TSEN2: variants seen among roughly 807,000 people sequenced by gnomAD.
TSEN2 encodes the protein tRNA splicing endonuclease subunit 2.
Under a neutral mutation model 59.2 loss-of-function variants are expected in TSEN2, and 54 were observed. That is an observed-to-expected ratio of 0.91 (90% CI 0.73 to 1.14). The LOEUF is 1.14. Among genes scored for constraint, TSEN2 ranks in the 50% most tolerant of loss-of-function variants. The pLI is 0.00. For synonymous variants in TSEN2, 195 were observed against 198.2 expected, an observed-to-expected ratio of 0.98 and a Z score of 0.14; for missense variants, 636 against 576.2, an observed-to-expected ratio of 1.10 and a Z score of -1.06.
intron 8 of TSEN2, among the ~76,000 whole-genome samples, chr3:12,526,989 G>A (rs769168435): frequency 6.6e-5 from 10 of 152,212 alleles, no homozygotes; most frequent in Non-Finnish European, 1.3e-4. Context: ...TTTTGGAAAC[G>A]GAGGCTCAGG....
At chr3:12,512,211 G>A (rs145982248) in intron 6 of TSEN2, among the ~76,000 whole-genome samples, 3 of 152,330 alleles carry the variant, frequency 2.0e-5, no homozygotes, top group African/African-American at 7.2e-5. Context: ...GTGGAGTGAA[G>A]ACATAGCTTT....
intron 4 of TSEN2, among the ~76,000 whole-genome samples, chr3:12,497,622 C>T (rs1239274118): frequency 6.6e-6 from 1 of 152,212 alleles, no homozygotes; most frequent in East Asian, 1.9e-4. Flanking sequence ...AGCAGCAGCT[C>T]GCCCATCAGA....
chr3:12,518,124 C>T (rs930598645), intron 7 of TSEN2, among the ~76,000 whole-genome samples: 7 of 152,106 alleles, frequency 4.6e-5, no homozygotes, highest in Admixed American at 2.0e-4. Flanking sequence ...GGTAATGATA[C>T]ATCAGAATAT....
At chr3:12,508,503 G>A (rs2055077064) in intron 6 of TSEN2, among the ~76,000 whole-genome samples, 1 of 152,152 alleles carries the variant, frequency 6.6e-6, no homozygotes, top group Admixed American at 6.5e-5. Flanking sequence ...AGGAACACAG[G>A]CAGAATGGGG....
chr3:12,538,784 T>C (rs1552485), intron 10 of TSEN2: 97,991 of 161,056 alleles, frequency 0.61, 32,860 homozygotes, highest in African/African-American at 0.9. Flanking sequence ...TGTTAAAAAT[T>C]ACCTCATTTC....
intron 3 of TSEN2, among the ~76,000 whole-genome samples, chr3:12,495,126 CAAA>C (rs1160986136): frequency 5.8e-5 from 4 of 68,710 alleles, no homozygotes; most frequent in South Asian, 6.3e-4. Context: ...ACTCCGTCTC[CAAA>C]AAAAAAAAAA....
rs143530794 is a variant in TSEN2, at chr3:12,521,739, C to T, written c.1099+2542C>T. Among the ~76,000 whole-genome samples, 731 of 151,880 alleles carry T rather than the reference C, an allele frequency of 4.8e-3. 5 individuals are homozygous for T. Among genetic ancestry groups the T allele is most frequent in the African/African-American group, 0.016 (679 of 41,438 alleles). ...AAAAAAAATAAAAATAGGCTGGGCG[C>T]GGTGGCTCACGCCTGTAATCCCAAC... is the stretch of plus-strand genomic sequence containing the variant. On this transcript the variant is annotated intron_variant, in intron 8 of 11. Transcript: ENST00000284995.
chr3:12,529,986 C>T, intron 10 of TSEN2, 113 bp downstream of exon 10: 1 of 1,509,436 alleles, frequency 6.6e-7, no homozygotes. Flanking sequence ...CATAACATTC[C>T]TGCCAGTGAC....
intron 4 of TSEN2, among the ~76,000 whole-genome samples, chr3:12,502,316 C>T (rs1024264702): frequency 4.6e-5 from 7 of 152,212 alleles, no homozygotes; most frequent in Admixed American, 3.3e-4. Flanking sequence ...GAGGCCAAGG[C>T]GGTCGGATCT....
chr3:12,490,759 T>C (rs2053136580), intron 2 of TSEN2, among the ~76,000 whole-genome samples: 1 of 152,094 alleles, frequency 6.6e-6, no homozygotes. Flanking sequence ...TAATCCCTGC[T>C]CCCACTCCCG....
At chr3:12,522,523 TC>T (rs747652399) in intron 8 of TSEN2, among the ~76,000 whole-genome samples, 8 of 152,200 alleles carry the variant, frequency 5.3e-5, no homozygotes, top group Non-Finnish European at 1.2e-4. Flanking sequence ...AGGAGCGGCT[TC>T]CTAAACTCTA....
rs760813133 is a variant in TSEN2 at position 12,503,653 on chromosome 3, C to T, written c.700C>T (p.Leu234Phe). ...AGATGCTCTCATCCTCCAGCGTGGCCTTCATCATGAAGACGGCAGCCAGCA... is the reference window on the plus strand; with the variant it reads ...AGATGCTCTCATCCTCCAGCGTGGCTTTCATCATGAAGACGGCAGCCAGCA... ...KQDALILQRG[L>F]HHEDGSQHIG... The change falls in exon 5 of 12, where the codon CTT (leucine) becomes TTT (phenylalanine). Residue 234 changes from leucine (L) to phenylalanine (F), a missense_variant. Leu to Phe is a conservative substitution (Grantham distance 22). Transcript: ENST00000284995. The T allele has an allele frequency of 1.3e-5, 21 of 1,604,414 alleles. No homozygotes were observed. Among genetic ancestry groups the T allele is most frequent in the Admixed American group, 1.7e-5 (1 of 59,054 alleles).
rs778022833 is a variant in TSEN2, at chr3:12,532,721, A to G, written c.1398A>G (p.Ter466=). The part of the protein sequence containing the change: ...SRERSDQDDL[*] ...AGAGGAGTGACCAAGACGATCTTTAACAATTCAACCTCAAATTTCTAATTT... is the reference window on the plus strand; with the variant it reads ...AGAGGAGTGACCAAGACGATCTTTAGCAATTCAACCTCAAATTTCTAATTT... The change falls in exon 12 of 12, where the codon TAA becomes TAG. Residue 466 remains the stop codon, a stop_retained_variant. Coordinates refer to ENST00000284995, the MANE Select transcript of TSEN2 (RefSeq NM_025265.4). 1 of 1,614,164 alleles carries G rather than the reference A, an allele frequency of 6.2e-7. No individual in the cohort carries two copies. Among genetic ancestry groups the G allele is most frequent in the Non-Finnish European group, 8.5e-7 (1 of 1,179,992 alleles).
intron 8 of TSEN2, among the ~76,000 whole-genome samples, chr3:12,522,006 CAAAAAATAATAAT>C (rs535006030): frequency 2.5e-4 from 38 of 150,946 alleles, no homozygotes; most frequent in African/African-American, 8.5e-4. Flanking sequence ...GAGACTGTCT[CAAAAAATAATAAT>C]AAAAAATAAA....
Position 12,529,949 on chromosome 3 carries a change from A to T in TSEN2, c.1248+76A>T, listed in dbSNP as rs780093653. 30 of 1,566,654 alleles carry T rather than the reference A, an allele frequency of 1.9e-5. No individual in the cohort carries two copies. The South Asian group carries it at 3.3e-4, about 17-fold the overall frequency. Reference sequence around the variant, plus strand: ...TTTTTTTTTTTCTTAAATGTAGTAGAATCAAAAAAGTTAGTTGTAGAAACT... The same window carrying T: ...TTTTTTTTTTTCTTAAATGTAGTAGTATCAAAAAAGTTAGTTGTAGAAACT... On this transcript the variant is annotated intron_variant, in intron 10 of 11. Coordinates refer to ENST00000284995, the MANE Select transcript of TSEN2 (RefSeq NM_025265.4).
chr3:12,480,256 G>C (rs1303792580), upstream of TSEN2, among the ~76,000 whole-genome samples: 1 of 152,110 alleles, frequency 6.6e-6, no homozygotes, highest in Non-Finnish European at 1.5e-5. Context: ...CCCCGGCCAG[G>C]CCCAGCTCCT....
rs1199348166 is a variant in TSEN2, at chr3:12,496,524, A to G, written c.278A>G (p.Lys93Arg). 6.2e-7 allele frequency: 1 copy of G among 1,614,168 alleles called. No individual in the cohort carries two copies. The highest frequency in any genetic ancestry group is 8.5e-7 in the Non-Finnish European group (1 of 1,180,036). The change falls in exon 4 of 12, where the codon AAG becomes AGG. Residue 93 changes from lysine to arginine, a missense_variant. Lys to Arg is a conservative substitution (Grantham distance 26). Transcript: ENST00000284995. ...PKLVAKWKDM[K>R]TNMPIITSKR... ...TAGAACTTCTTTGTTCCAGATATGA[A>G]GACAAACATGCCTATCATCACATCA...
intron 8 of TSEN2, among the ~76,000 whole-genome samples, chr3:12,524,728 C>A (rs1323989698): frequency 1.4e-5 from 2 of 145,906 alleles, no homozygotes; most frequent in Non-Finnish European, 3.0e-5. Flanking sequence ...CTACTGCAAT[C>A]TCTTTGGTCT....
intron 10 of TSEN2, chr3:12,539,099 CT>C (rs1227493758): frequency 4.7e-6 from 2 of 421,790 alleles, no homozygotes; most frequent in Admixed American, 6.0e-5. Flanking sequence ...GTTTTTTTTA[CT>C]GTTGTTCACT....
Sources: gnomAD v4.1 joint callset for allele counts (sites outside exome capture counted in the v4.1 genomes callset) on GRCh38, gnomAD v4.1.1 for gene constraint, MANE v1.5 for transcripts, NCBI Gene and HGNC (gene_info 2026-07-23, HGNC 2026-07-21) for gene names.